The following FARS2 variants were observed in gnomAD, a reference collection of about 807,000 sequenced individuals.
The protein encoded by FARS2 is phenylalanyl-tRNA synthetase 2, mitochondrial.
Under a neutral mutation model 46.4 loss-of-function variants are expected in FARS2, and 40 were observed. That is an observed-to-expected ratio of 0.86 (90% CI 0.67 to 1.12). The LOEUF (loss-of-function observed/expected upper bound fraction) is 1.12. FARS2 is among the 50% of genes most tolerant of loss of function. The probability of loss-of-function intolerance (pLI) is 0.00; values close to 1 mark genes in which losing one functional copy is unlikely to be tolerated. For missense variants in FARS2, 513 were observed against 567.9 expected (o/e 0.90, Z 0.98); for synonymous variants, 234 against 214.9 (o/e 1.09, Z -0.78).
At chr6:5,462,596 G>A (rs530585712) in intron 4 of FARS2, among the ~76,000 whole-genome samples, 1 of 152,060 alleles carries the variant, frequency 6.6e-6, no homozygotes, top group African/African-American at 2.4e-5. Flanking sequence ...TCATCTTTTT[G>A]AATGTGTATA....
At chr6:5,443,107 A>G (rs923831791) in intron 4 of FARS2, among the ~76,000 whole-genome samples, 7 of 152,196 alleles carry the variant, frequency 4.6e-5, no homozygotes, top group African/African-American at 1.7e-4. Context: ...TTAACTTTCC[A>G]GTTTCCCCCC....
intron 4 of FARS2, among the ~76,000 whole-genome samples, chr6:5,465,599 T>C (rs994372592): frequency 6.6e-6 from 1 of 152,238 alleles, no homozygotes; most frequent in African/African-American, 2.4e-5. Flanking sequence ...TTAACACTGA[T>C]GGACACACCT....
At chr6:5,753,807 T>C (rs1044729950) in intron 6 of FARS2, among the ~76,000 whole-genome samples, 3 of 152,202 alleles carry the variant, frequency 2.0e-5, no homozygotes, top group Non-Finnish European at 2.9e-5. Flanking sequence ...TTAAAACTTC[T>C]CATAGTTTTA....
At chr6:5,694,812 G>A (rs1757990400) in intron 6 of FARS2, 1 of 138,470 alleles carries the variant, frequency 7.2e-6, no homozygotes, top group Non-Finnish European at 1.5e-5. Context: ...AGATCAGCCT[G>A]GCAACATAGT....
At chr6:5,692,366 T>A (rs1368190508) in intron 6 of FARS2, among the ~76,000 whole-genome samples, 2 of 152,206 alleles carry the variant, frequency 1.3e-5, no homozygotes, top group African/African-American at 4.8e-5. Flanking sequence ...CTGTTTAAAA[T>A]TTATCTCAAC....
chr6:5,359,677 T>C (rs943031723), intron 1 of FARS2, among the ~76,000 whole-genome samples: 1 of 152,244 alleles, frequency 6.6e-6, no homozygotes, highest in Non-Finnish European at 1.5e-5. Flanking sequence ...TGAAATCCAG[T>C]GCCAAACTCT....
intron 1 of FARS2, among the ~76,000 whole-genome samples, chr6:5,324,475 CGTT>C (rs921597652): frequency 3.4e-5 from 4 of 116,852 alleles, no homozygotes; most frequent in Non-Finnish European, 6.6e-5. Context: ...TTAACCAAGA[CGTT>C]GGTTACAATT....
At chr6:5,642,182 A>G (rs1776854620) in intron 6 of FARS2, among the ~76,000 whole-genome samples, 1 of 152,202 alleles carries the variant, frequency 6.6e-6, no homozygotes, top group Middle Eastern at 3.2e-3. Flanking sequence ...ATTATAACAC[A>G]TGCATATGTG....
intron 1 of FARS2, among the ~76,000 whole-genome samples, chr6:5,341,188 GATATATATATATATATATAT>G (rs869067569): frequency 8.8e-5 from 3 of 34,204 alleles, no homozygotes; most frequent in African/African-American, 2.3e-4. Context: ...GCCATGGGGA[GATATATATATATATATATAT>G]ATATATATAT....
chr6:5,578,157 C>T (rs1292975687), intron 5 of FARS2, among the ~76,000 whole-genome samples: 1 of 152,130 alleles, frequency 6.6e-6, no homozygotes, highest in Non-Finnish European at 1.5e-5. Context: ...ATTTCCATTT[C>T]ATTTTGATAA....
At chr6:5,355,958 A>T (rs562719745) in intron 1 of FARS2, among the ~76,000 whole-genome samples, 2 of 152,148 alleles carry the variant, frequency 1.3e-5, no homozygotes, top group African/African-American at 4.8e-5. Flanking sequence ...AGGCGCTTTC[A>T]TGGGCATTTA....
chr6:5,627,360 G>T (rs1474580185), intron 6 of FARS2, among the ~76,000 whole-genome samples: 1 of 152,230 alleles, frequency 6.6e-6, no homozygotes, highest in African/African-American at 2.4e-5. Flanking sequence ...GTAGTAAGAT[G>T]AAGAAAGAGG....
intron 6 of FARS2, among the ~76,000 whole-genome samples, chr6:5,680,323 G>C (rs1222793618): frequency 1.3e-5 from 2 of 152,202 alleles, no homozygotes; most frequent in East Asian, 1.9e-4. Context: ...TTAGGCATGA[G>C]TAGCCATGGG....
intron 6 of FARS2, among the ~76,000 whole-genome samples, chr6:5,706,891 G>A (rs115488527): frequency 0.026 from 3,888 of 152,318 alleles, 178 homozygotes; most frequent in African/African-American, 0.089. Context: ...CTTTCCATCC[G>A]TTGATGGGGC....
At chr6:5,546,682 T>G (rs1321869730) in intron 5 of FARS2, among the ~76,000 whole-genome samples, 1 of 152,026 alleles carries the variant, frequency 6.6e-6, no homozygotes, top group Non-Finnish European at 1.5e-5. Context: ...TTTCTTTTCC[T>G]GTGTGCTTTA....
intron 3 of FARS2, among the ~76,000 whole-genome samples, chr6:5,430,214 T>G (rs1763084537): frequency 6.6e-6 from 1 of 152,082 alleles, no homozygotes; most frequent in Non-Finnish European, 1.5e-5. Flanking sequence ...ACACAGGATT[T>G]GTCAAAATGC....
chr6:5,384,430 G>A (rs1759988781), intron 2 of FARS2, among the ~76,000 whole-genome samples: 1 of 152,232 alleles, frequency 6.6e-6, no homozygotes, highest in Non-Finnish European at 1.5e-5. Context: ...AGAGCACTGC[G>A]GAGGGCAGCC....
intron 4 of FARS2, among the ~76,000 whole-genome samples, chr6:5,467,492 TAAAATATTC>T (rs141546269): frequency 0.015 from 2,304 of 152,304 alleles, 59 homozygotes; most frequent in African/African-American, 0.052. Flanking sequence ...GAAATGTTAA[TAAAATATTC>T]TTCAGTGATC....
chr6:5,276,722 G>A (rs1766361584), intron 1 of FARS2, among the ~76,000 whole-genome samples: 1 of 152,144 alleles, frequency 6.6e-6, no homozygotes, highest in African/African-American at 2.4e-5. Flanking sequence ...TAGGAGACTG[G>A]GACTGTGGGT....
Sources: allele counts gnomAD v4.1 joint callset (sites outside exome capture counted in the v4.1 genomes callset), GRCh38; gene constraint gnomAD v4.1.1; transcripts MANE v1.5; gene names NCBI Gene and HGNC (gene_info 2026-07-23, HGNC 2026-07-21).